Variants in IGF1 observed in about 807,000 individuals in gnomAD.
IGF1 encodes the protein insulin-like growth factor 1.
A neutral mutation model predicts 13.8 loss-of-function variants in IGF1; 4 were observed. That is an observed-to-expected ratio of 0.29 (90% CI 0.14 to 0.66). The LOEUF is 0.66. Ranked by LOEUF, IGF1 falls within the 30% of genes least tolerant of loss-of-function variation. The pLI, the probability that IGF1 is intolerant of heterozygous loss-of-function variation, is 0.78. For missense variants in IGF1, 124 were observed against 188.5 expected, an observed-to-expected ratio of 0.66 and a Z score of 2.00; for synonymous variants, 76 against 72.6, an observed-to-expected ratio of 1.05 and a Z score of -0.23.
chr12:102,480,754 T>G (rs946483504), upstream of IGF1: 6 of 408,860 alleles, frequency 1.5e-5, no homozygotes, highest in East Asian at 2.3e-4. Flanking sequence ...AAGCATTTTT[T>G]TCCCTTAAAA....
At chr12:102,446,349 T>C (rs1057486096) in intron 2 of IGF1, among the ~76,000 whole-genome samples, 1 of 152,140 alleles carries the variant, frequency 6.6e-6, no homozygotes, top group Non-Finnish European at 1.5e-5. Flanking sequence ...ATCCATCTGG[T>C]CCTGGGTTTT....
At chr12:102,445,634 G>C (rs897445215) in intron 2 of IGF1, among the ~76,000 whole-genome samples, 1 of 152,194 alleles carries the variant, frequency 6.6e-6, no homozygotes, top group African/African-American at 2.4e-5. Context: ...AGGAGATTTG[G>C]GGCTGAGATG....
At chr12:102,429,375 A>C (rs938168710) in intron 2 of IGF1, among the ~76,000 whole-genome samples, 1 of 152,224 alleles carries the variant, frequency 6.6e-6, no homozygotes, top group Non-Finnish European at 1.5e-5. Flanking sequence ...TGGATATTGC[A>C]GCAAACTCAA....
intron 1 of IGF1, among the ~76,000 whole-genome samples, chr12:102,477,238 A>C (rs1881106449): frequency 6.6e-6 from 1 of 150,438 alleles, no homozygotes; most frequent in East Asian, 1.9e-4. Context: ...GATGATTTCC[A>C]TTTTTTGTAG....
chr12:102,406,590 C>T (rs1296265600), intron 3 of IGF1, among the ~76,000 whole-genome samples: 1 of 151,996 alleles, frequency 6.6e-6, no homozygotes, highest in Non-Finnish European at 1.5e-5. Flanking sequence ...AGAAGTTTAC[C>T]CTTTAGAAGG....
intron 2 of IGF1, among the ~76,000 whole-genome samples, chr12:102,441,906 G>GCTGCTGCTTCCTCTTCTT: frequency 2.0e-5 from 2 of 100,292 alleles, no homozygotes; most frequent in African/African-American, 7.9e-5. Flanking sequence ...CTATTACACT[G>GCTGCTGCTTCCTCTTCTT]CTTCTTCTCC....
At chr12:102,441,772 C>T (rs1825035874) in intron 2 of IGF1, among the ~76,000 whole-genome samples, 1 of 152,130 alleles carries the variant, frequency 6.6e-6, no homozygotes, top group African/African-American at 2.4e-5. Flanking sequence ...ACACTGTTAT[C>T]ATCTTCACTT....
intron 2 of IGF1, among the ~76,000 whole-genome samples, chr12:102,463,677 G>A (rs1350715461): frequency 6.6e-6 from 1 of 152,188 alleles, no homozygotes; most frequent in African/African-American, 2.4e-5. Context: ...CTATTCTGAG[G>A]TGTTACACCA....
chr12:102,419,645 G>A lies in IGF1; in HGVS notation c.266C>T (p.Thr89Ile), dbSNP rs1235583577. ...YGSSSRRAPQ[T>I]GIVDECCFRS... is the part of the protein sequence containing the mutation. ...GAAGCAGCACTCATCCACGATGCCT[G>A]TCTGAGGCGCCCTCCGACTGCTGGA... The change falls in exon 3 of 4, where the codon ACA becomes ATA. Residue 89 changes from threonine to isoleucine, a missense_variant. Physicochemically the swap from Thr to Ile is moderately conservative, Grantham distance 89. Around this residue, in one of 2 missense-constraint regions of IGF1, gnomAD observed 99 missense variants for 171.4 expected, o/e 0.58. Coordinates refer to ENST00000337514, the MANE Select transcript of IGF1 (RefSeq NM_000618.5). 1.9e-6 allele frequency: 3 copies of A among 1,613,472 alleles called. No individual in the cohort carries two copies. Among genetic ancestry groups the A allele is most frequent in the Non-Finnish European group, 2.5e-6 (3 of 1,180,016 alleles).
At chr12:102,433,081 C>T (rs1204198212) in intron 2 of IGF1, among the ~76,000 whole-genome samples, 1 of 152,172 alleles carries the variant, frequency 6.6e-6, no homozygotes, top group East Asian at 1.9e-4. Context: ...CAGGTCCTCT[C>T]TGGAGAACCT....
chr12:102,465,286 T>C (rs890931322), intron 2 of IGF1, among the ~76,000 whole-genome samples: 2 of 152,244 alleles, frequency 1.3e-5, no homozygotes, highest in Non-Finnish European at 2.9e-5. Context: ...ATTCAGTTCA[T>C]CAGTTGTGAC....
Position 102,430,122 on chromosome 12 carries a change from G to A in IGF1, c.221-10432C>T, listed in dbSNP as rs4764887. ...ACATCTGGGTTTGAGAAAGCTGTGT[G>A]GAGGCATCACTTATGCCAATACTTA... On this transcript the variant is annotated intron_variant, in intron 2 of 3. Coordinates refer to ENST00000337514, the MANE Select transcript of IGF1 (RefSeq NM_000618.5). Among the ~76,000 whole-genome samples, 3,844 of 152,180 alleles carry A rather than the reference G, an allele frequency of 0.025. 283 individuals are homozygous for A. The East Asian group carries it at 0.27, about 11-fold the overall frequency.
At position 102,400,239 on chromosome 12, in the gene IGF1, G is replaced by A. The variant is rs571932445; in HGVS notation, c.*2268C>T. ...AGACTTTCCAAGAATGTAAAATATA[G>A]AATTTGCATGAAATAATCAAGCCTG... On this transcript the variant is annotated 3_prime_UTR_variant, in exon 4 of 4. Transcript: ENST00000337514. 6.6e-6 allele frequency: 1 copy of A among 151,112 alleles called. No individual in the cohort carries two copies. Among genetic ancestry groups the A allele is most frequent in the Admixed American group, 6.6e-5 (1 of 15,120 alleles). The allele number at this position is 151,112 out of a possible 1,614,324, so 9.4% of individuals were successfully genotyped here. A position where few individuals can be genotyped will look rare whatever the true frequency, so the allele number is the denominator to read the frequency against.
At chr12:102,440,749 C>T (rs1877645571) in intron 2 of IGF1, among the ~76,000 whole-genome samples, 1 of 152,156 alleles carries the variant, frequency 6.6e-6, no homozygotes, top group African/African-American at 2.4e-5. Context: ...GTCACTCAGA[C>T]TCTTCAGCAT....
intron 2 of IGF1, among the ~76,000 whole-genome samples, chr12:102,448,686 T>TAAA (rs1878589045): frequency 5.2e-5 from 1 of 19,078 alleles, no homozygotes; most frequent in Non-Finnish European, 8.6e-5. Context: ...ACTTAGAGTA[T>TAAA]AATAAAAAAA....
chr12:102,446,257 C>A (rs913895399), intron 2 of IGF1, among the ~76,000 whole-genome samples: 1 of 152,120 alleles, frequency 6.6e-6, no homozygotes. Context: ...AGGGAGGAGT[C>A]CCTCTTTTTC....
chr12:102,432,094 G>T (rs1057501697), intron 2 of IGF1, among the ~76,000 whole-genome samples: 1 of 152,212 alleles, frequency 6.6e-6, no homozygotes, highest in African/African-American at 2.4e-5. Flanking sequence ...AATTGTTTCT[G>T]TTTCTCATCC....
intron 2 of IGF1, among the ~76,000 whole-genome samples, chr12:102,447,456 A>G (rs1436302337): frequency 6.6e-6 from 1 of 152,144 alleles, no homozygotes; most frequent in African/African-American, 2.4e-5. Flanking sequence ...TTCTTGTTGC[A>G]TTGATCCCTT....
At chr12:102,405,803 T>C (rs1874102651) in intron 3 of IGF1, among the ~76,000 whole-genome samples, 1 of 152,248 alleles carries the variant, frequency 6.6e-6, no homozygotes. Context: ...CCCAAATTTC[T>C]ACAAGAAAAC....
Sources: allele counts gnomAD v4.1 joint callset (sites outside exome capture counted in the v4.1 genomes callset), GRCh38; gene constraint gnomAD v4.1.1; regional missense constraint gnomAD v4.1.1; transcripts MANE v1.5; gene names NCBI Gene and HGNC (gene_info 2026-07-23, HGNC 2026-07-21).